The following TMEM182 variants were observed in gnomAD, a reference collection of about 807,000 sequenced individuals.
The protein encoded by TMEM182 is transmembrane protein 182.
Under a neutral mutation model 26.8 loss-of-function variants are expected in TMEM182, and 20 were observed. The ratio of observed to expected loss-of-function variants is 0.75; its 90% CI spans 0.53 to 1.09. TMEM182 has a LOEUF of 1.09. Among genes scored for constraint, TMEM182 ranks in the 50% least tolerant of loss-of-function variants. TMEM182 has a pLI of 0.00. For synonymous variants in TMEM182, 109 were observed against 102.2 expected, an observed-to-expected ratio of 1.07 and a Z score of -0.40; for missense variants, 277 against 275.5, an observed-to-expected ratio of 1.01 and a Z score of -0.04.
rs115574317 is a variant in TMEM182, at chr2:102,747,851, C to T, written c.-82-10538C>T. Among the ~76,000 whole-genome samples the T allele has an allele frequency of 1.8e-3, 275 of 152,290 alleles. 1 individual carries two copies. Among genetic ancestry groups the T allele is most frequent in the African/African-American group, 6.3e-3 (262 of 41,572 alleles). ...TTCGAATAATATGAATCTTCAAGAG[C>T]TGTTGAGATGGAAAATGCATTTGTC... On this transcript the variant is annotated intron_variant, in intron 1 of 5. Coordinates refer to the TMEM182 transcript ENST00000409173.
chr2:102,830,687 G>T (rs556606901), intron 3 of TMEM182, among the ~76,000 whole-genome samples: 110 of 152,212 alleles, frequency 7.2e-4, no homozygotes, highest in African/African-American at 2.5e-3. Context: ...ATCCTTTGAG[G>T]TACAAATAAT....
intron 1 of TMEM182, among the ~76,000 whole-genome samples, chr2:102,756,028 G>A (rs374094877): frequency 6.6e-6 from 1 of 152,150 alleles, no homozygotes; most frequent in Non-Finnish European, 1.5e-5. Flanking sequence ...TAATGAAGAG[G>A]TCATCAGGTA....
At chr2:102,783,281 A>C (rs1009659299) in intron 3 of TMEM182, among the ~76,000 whole-genome samples, 2 of 152,212 alleles carry the variant, frequency 1.3e-5, no homozygotes, top group Admixed American at 1.3e-4. Context: ...GCAATTTTAG[A>C]TGGCTGGTTT....
At chr2:102,797,788 G>C (rs754210458) in intron 3 of TMEM182, 75 bp from the exon 4 acceptor site, 108 of 1,520,720 alleles carry the variant, frequency 7.1e-5, no homozygotes, top group Non-Finnish European at 9.2e-5. Flanking sequence ...GAAAGCAACT[G>C]ACTGTGACAA....
At chr2:102,807,712 C>T (rs1001792404) in intron 4 of TMEM182, among the ~76,000 whole-genome samples, 3 of 152,116 alleles carry the variant, frequency 2.0e-5, no homozygotes, top group African/African-American at 7.2e-5. Context: ...TGGAATGCAC[C>T]TGTGATAGCT....
At chr2:102,743,642 A>G (rs1207265011) in intron 1 of TMEM182, among the ~76,000 whole-genome samples, 1 of 152,208 alleles carries the variant, frequency 6.6e-6, no homozygotes, top group Admixed American at 6.5e-5. Context: ...TTTAAATGTG[A>G]TTGGTCTAAA....
intron 4 of TMEM182, among the ~76,000 whole-genome samples, chr2:102,814,125 G>A (rs545665047): frequency 1.3e-4 from 20 of 151,662 alleles, no homozygotes; most frequent in African/African-American, 3.6e-4. Flanking sequence ...GAAGAATCAC[G>A]TATATTCTTT....
chr2:102,754,368 T>G (rs1679971576), intron 1 of TMEM182, among the ~76,000 whole-genome samples: 1 of 152,220 alleles, frequency 6.6e-6, no homozygotes, highest in Non-Finnish European at 1.5e-5. Context: ...CCACACTGTA[T>G]GGCCTCATGT....
chr2:102,839,620 AAGAGTGT>A (rs923187232), intron 3 of TMEM182, among the ~76,000 whole-genome samples: 16 of 152,138 alleles, frequency 1.1e-4, no homozygotes, highest in Non-Finnish European at 1.6e-4. Flanking sequence ...GCATAAAAAC[AAGAGTGT>A]AGGTATTACA....
intron 4 of TMEM182, among the ~76,000 whole-genome samples, chr2:102,798,485 A>T (rs1681977153): frequency 6.6e-6 from 1 of 152,166 alleles, no homozygotes; most frequent in African/African-American, 2.4e-5. Flanking sequence ...ATAAGCATAC[A>T]CTCATGATTT....
intron 4 of TMEM182, among the ~76,000 whole-genome samples, chr2:102,808,534 C>A (rs1410366157): frequency 6.6e-6 from 1 of 152,054 alleles, no homozygotes; most frequent in Non-Finnish European, 1.5e-5. Context: ...AGATTGTGCT[C>A]CATACAAAAA....
chr2:102,773,536 A>G (rs1680771573), intron 3 of TMEM182, among the ~76,000 whole-genome samples: 1 of 96,368 alleles, frequency 1.0e-5, no homozygotes, highest in Non-Finnish European at 2.0e-5. Context: ...CAACAACAGA[A>G]GCGAAGTGGA....
intron 4 of TMEM182, among the ~76,000 whole-genome samples, chr2:102,800,899 A>G (rs1026625026): frequency 6.6e-6 from 1 of 151,974 alleles, no homozygotes. Flanking sequence ...TTGTGCAAAA[A>G]GCAATATACG....
downstream of TMEM182, among the ~76,000 whole-genome samples, chr2:102,818,758 C>CTACCTATG (rs1682836595): frequency 6.6e-6 from 1 of 151,734 alleles, no homozygotes; most frequent in African/African-American, 2.4e-5. Context: ...ATCTATCTAT[C>CTACCTATG]TATCTATCTA....
downstream of TMEM182, among the ~76,000 whole-genome samples, chr2:102,819,979 G>A (rs1432654213): frequency 1.3e-5 from 2 of 152,200 alleles, no homozygotes; most frequent in African/African-American, 4.8e-5. Flanking sequence ...AACATGTTCT[G>A]CACACCAACT....
Position 102,816,565 on chromosome 2 carries a change from C to G in TMEM182, c.*1597C>G. 1 of 976,920 alleles carries G rather than the reference C, an allele frequency of 1.0e-6. No individual in the cohort carries two copies. Among genetic ancestry groups the G allele is most frequent in the Non-Finnish European group, 1.2e-6 (1 of 823,160 alleles). 60.5% of individuals were successfully genotyped at this position (976,920 alleles called of 1,614,324 possible). ...TAATAATAAAGCTCCAGAGGCCTAA[C>G]TGGTTTCTCAAGTCATTTCAGTGAT... On this transcript the variant is annotated 3_prime_UTR_variant, in exon 5 of 5. Coordinates refer to ENST00000412401, the MANE Select transcript of TMEM182 (RefSeq NM_144632.5).
intron 3 of TMEM182, among the ~76,000 whole-genome samples, chr2:102,774,890 ATTC>A (rs1680844214): frequency 6.6e-6 from 1 of 152,056 alleles, no homozygotes; most frequent in Non-Finnish European, 1.5e-5. Context: ...AGATAGAGTG[ATTC>A]TTCTTATTTT....
At chr2:102,805,153 G>A (rs1682299917) in intron 4 of TMEM182, among the ~76,000 whole-genome samples, 1 of 152,174 alleles carries the variant, frequency 6.6e-6, no homozygotes, top group Admixed American at 6.5e-5. Flanking sequence ...TTTTAAATGT[G>A]ATTACTTTTC....
intron 3 of TMEM182, among the ~76,000 whole-genome samples, chr2:102,792,186 C>T (rs1681677918): frequency 6.6e-6 from 1 of 151,536 alleles, no homozygotes; most frequent in Admixed American, 6.6e-5. Context: ...TATCTCCAAC[C>T]TAGATCCATC....
Sources: gnomAD v4.1 joint callset for allele counts (sites outside exome capture counted in the v4.1 genomes callset) on GRCh38, gnomAD v4.1.1 for gene constraint, MANE v1.5 for transcripts, NCBI Gene and HGNC (gene_info 2026-07-23, HGNC 2026-07-21) for gene names.